HERC4: variants seen among roughly 807,000 people sequenced by gnomAD.
HERC4 encodes the protein HECT and RLD domain containing E3 ubiquitin protein ligase 4.
Under a neutral mutation model 124.3 loss-of-function variants are expected in HERC4, and 28 were observed. The observed-to-expected ratio is 0.23, with a 90% CI of 0.17 to 0.31. The LOEUF is 0.31. Ranked by LOEUF, HERC4 falls within the 10% of genes least tolerant of loss-of-function variation. The pLI is 1.00. For synonymous variants in HERC4, 407 were observed against 421.5 expected (o/e 0.97, Z 0.42); for missense variants, 713 against 1,229.3 (o/e 0.58, Z 6.28).
At chr10:68,068,937 A>T in intron 3 of HERC4, 3 of 500,386 alleles carry the variant, frequency 6.0e-6, no homozygotes, top group Non-Finnish European at 7.7e-6. Flanking sequence ...TGTGAGAATT[A>T]AATGAGATAC....
At chr10:67,968,887 A>G (rs2035060004) in intron 15 of HERC4, among the ~76,000 whole-genome samples, 1 of 152,204 alleles carries the variant, frequency 6.6e-6, no homozygotes. Context: ...AAAAATAGAC[A>G]AAACCAGCAA....
intron 11 of HERC4, among the ~76,000 whole-genome samples, chr10:67,991,857 C>G (rs911864540): frequency 6.6e-6 from 1 of 152,096 alleles, no homozygotes; most frequent in Non-Finnish European, 1.5e-5. Flanking sequence ...CATGAAAGAA[C>G]TACAACTTAT....
intron 8 of HERC4, among the ~76,000 whole-genome samples, chr10:68,020,280 G>C (rs953645538): frequency 6.6e-6 from 1 of 152,092 alleles, no homozygotes; most frequent in East Asian, 1.9e-4. Context: ...AAAGTAGTAG[G>C]AAAGGGTGGC....
Position 68,044,487 on chromosome 10 carries a change from G to A in HERC4, c.303C>T (p.Asp101=). 1 of 1,614,086 alleles carries A rather than the reference G, an allele frequency of 6.2e-7. No individual in the cohort carries two copies. The highest frequency in any genetic ancestry group is 8.5e-7 in the Non-Finnish European group (1 of 1,180,008). The change falls in exon 4 of 25, where the codon GAC becomes GAT. Residue 101 remains aspartate (D), a synonymous_variant. Transcript: ENST00000373700. ...CGEAHTLALN[D]KGQVYAWGLD... ...GACCCCAAGCATACACCTGGCCTTT[G>A]TCATTTAGCGCTAACGTATGAGCTT...
intron 22 of HERC4, among the ~76,000 whole-genome samples, chr10:67,935,441 G>C (rs545108695): frequency 6.6e-6 from 1 of 152,016 alleles, no homozygotes; most frequent in Non-Finnish European, 1.5e-5. Context: ...CACTGTGCGG[G>C]GCCTATGGAT....
chr10:68,022,500 A>AATATAAAT (rs2038684072), intron 8 of HERC4, among the ~76,000 whole-genome samples: 1 of 143,916 alleles, frequency 6.9e-6, no homozygotes, highest in African/African-American at 2.6e-5. Context: ...ACTCCATCTC[A>AATATAAAT]AAATAAATAA....
intron 8 of HERC4, among the ~76,000 whole-genome samples, chr10:68,018,233 A>G (rs1212046945): frequency 6.6e-6 from 1 of 152,090 alleles, no homozygotes; most frequent in African/African-American, 2.4e-5. Flanking sequence ...ACTAGAAAAA[A>G]AAAATCCATC....
chr10:67,983,382 A>C (rs571319720), intron 15 of HERC4, among the ~76,000 whole-genome samples: 1 of 152,312 alleles, frequency 6.6e-6, no homozygotes, highest in South Asian at 2.1e-4. Flanking sequence ...GCTACCCAAA[A>C]GAAACGAAAG....
At chr10:67,932,096 T>A (rs1167571617) in intron 23 of HERC4, among the ~76,000 whole-genome samples, 2 of 152,078 alleles carry the variant, frequency 1.3e-5, no homozygotes, top group African/African-American at 4.8e-5. Flanking sequence ...TAGCTGGGAT[T>A]ACAGGCACGT....
At position 67,932,675 on chromosome 10, in the gene HERC4, G is replaced by A. The variant is rs1258065216; in HGVS notation, c.2760C>T (p.Val920=). ...GTTCATTAGGCTGAAAGAGCAGAAG[G>A]ACTTTTCCTCCACAGACCTTATGAA... is the stretch of plus-strand genomic sequence containing the variant. ...AGFHKVCGGK[V]LLLFQPNELQ... The change falls in exon 23 of 25, where the codon GTC becomes GTT. Residue 920 remains valine (V), a synonymous_variant. Transcript: ENST00000373700. 11 of 1,607,692 alleles carry A rather than the reference G, an allele frequency of 6.8e-6. No homozygotes were observed. Among genetic ancestry groups the A allele is most frequent in the Non-Finnish European group, 9.3e-6 (11 of 1,178,550 alleles).
chr10:67,928,245 G>A (rs913780386), intron 23 of HERC4, among the ~76,000 whole-genome samples: 2 of 152,170 alleles, frequency 1.3e-5, no homozygotes, highest in South Asian at 4.1e-4. Flanking sequence ...AAAGGGTGAT[G>A]AGAAGCTGTT....
chr10:68,032,801 C>T lies in HERC4; in HGVS notation c.754G>A (p.Asp252Asn). 1.3e-6 allele frequency: 2 copies of T among 1,574,502 alleles called. No homozygotes were observed. Among genetic ancestry groups the T allele is most frequent in the Non-Finnish European group, 8.7e-7 (1 of 1,144,370 alleles). The change falls in exon 7 of 25, where the codon GAT becomes AAT. Residue 252 changes from aspartate (D) to asparagine (N), a missense_variant. Asp to Asn is a conservative substitution (Grantham distance 23). Coordinates refer to ENST00000373700, the MANE Select transcript of HERC4 (RefSeq NM_015601.4). ...QKIVYICCGE[D>N]HTAALTKEGG... ...ACCTTGGTTAGAGCAGCAGTATGAT[C>T]TTCTCCACAACAAATATAAACTATT...
rs1327318999 is a variant in HERC4, at chr10:67,932,616, T to C, written c.2819A>G (p.Asp940Gly). 1.9e-6 allele frequency: 3 copies of C among 1,610,032 alleles called. No homozygotes were observed. ...CCCTACCTTTTCCAGTTCCTTCCAATCATAATTTGTATTTCCAATGACCAT... is the reference window on the plus strand; with the variant it reads ...CCCTACCTTTTCCAGTTCCTTCCAACCATAATTTGTATTTCCAATGACCAT... ...QAMVIGNTNY[D>G]WKELEKNTEY... Residue 940 changes from aspartate to glycine, a missense_variant, in exon 23 of 25, where the codon GAT becomes GGT. Coordinates refer to ENST00000373700, the MANE Select transcript of HERC4 (RefSeq NM_015601.4).
At chr10:68,036,923 TAC>T (rs1252180106) in intron 5 of HERC4, among the ~76,000 whole-genome samples, 1 of 152,108 alleles carries the variant, frequency 6.6e-6, no homozygotes, top group Non-Finnish European at 1.5e-5. Context: ...TGCCTCAGAC[TAC>T]AGTTATTTAC....
At chr10:68,027,474 C>T (rs998910269) in intron 7 of HERC4, among the ~76,000 whole-genome samples, 12 of 152,200 alleles carry the variant, frequency 7.9e-5, no homozygotes, top group South Asian at 2.1e-4. Flanking sequence ...TATCTGTAAC[C>T]GACAAAAGTA....
At chr10:67,996,882 G>A (rs2036916840) in intron 9 of HERC4, among the ~76,000 whole-genome samples, 1 of 152,082 alleles carries the variant, frequency 6.6e-6, no homozygotes, top group African/African-American at 2.4e-5. Context: ...CGGCTACTTG[G>A]GAGGCTGAGG....
At chr10:67,949,749 G>C (rs2033659611) in intron 19 of HERC4, among the ~76,000 whole-genome samples, 1 of 152,090 alleles carries the variant, frequency 6.6e-6, no homozygotes, top group Non-Finnish European at 1.5e-5. Context: ...TCACATAGCT[G>C]GGCGCGGTGG....
At position 67,954,998 on chromosome 10, in the gene HERC4, T is replaced by C; in HGVS notation, c.2158A>G (p.Lys720Glu). 1 of 1,603,728 alleles carries C rather than the reference T, an allele frequency of 6.2e-7. No homozygotes were observed. The highest frequency in any genetic ancestry group is 1.3e-5 in the African/African-American group (1 of 74,196). The change falls in exon 18 of 25, where the codon AAA becomes GAA. Residue 720 changes from lysine to glutamate, a missense_variant. Lys to Glu is a moderately conservative substitution (Grantham distance 56). Transcript: ENST00000373700. ...TTCTTGTAATCTATGTTCTTTGTTT[T>C]CCTAAGGACTTCCATTGCATCTCCT... ...IVGDAMEVLR[K>E]TKNIDYKKPL...
intron 9 of HERC4, among the ~76,000 whole-genome samples, chr10:68,009,521 T>A (rs926473242): frequency 6.6e-6 from 1 of 152,194 alleles, no homozygotes; most frequent in African/African-American, 2.4e-5. Flanking sequence ...AACGATCAAT[T>A]GAGGCTTTGC....
Sources: gnomAD v4.1 joint callset for allele counts (sites outside exome capture counted in the v4.1 genomes callset) on GRCh38, gnomAD v4.1.1 for gene constraint, MANE v1.5 for transcripts, NCBI Gene and HGNC (gene_info 2026-07-23, HGNC 2026-07-21) for gene names.